CYP2S1: variants seen among roughly 807,000 people sequenced by gnomAD.
CYP2S1 encodes the protein cytochrome P450 2S1.
A neutral mutation model predicts 43.5 loss-of-function variants in CYP2S1; 32 were observed. The ratio of observed to expected loss-of-function variants is 0.74; its 90% CI spans 0.56 to 0.99. CYP2S1 has a LOEUF of 0.99. Ranked by LOEUF, CYP2S1 falls within the 50% of genes least tolerant of loss-of-function variation. The pLI is 0.00. For synonymous variants in CYP2S1, 283 were observed against 302.9 expected, an observed-to-expected ratio of 0.93 and a Z score of 0.68; for missense variants, 575 against 673.9, an observed-to-expected ratio of 0.85 and a Z score of 1.62.
intron 6 of CYP2S1, 48 bp from the exon 7 acceptor site, chr19:41,203,402 T>A (rs368075593): frequency 3.3e-6 from 5 of 1,514,602 alleles, no homozygotes; most frequent in Non-Finnish European, 4.4e-6. Flanking sequence ...GAGAGGAGGA[T>A]CCCTGGGCCC....
intron 6 of CYP2S1, among the ~76,000 whole-genome samples, chr19:41,201,601 G>A (rs1372647748): frequency 2.0e-5 from 3 of 152,046 alleles, no homozygotes; most frequent in African/African-American, 7.2e-5. Flanking sequence ...GCACTCAGGT[G>A]GCTGAGGAGT....
intron 3 of CYP2S1, 71 bp downstream of exon 3, chr19:41,197,999 G>T (rs2033437013): frequency 6.6e-7 from 1 of 1,514,402 alleles, no homozygotes; most frequent in East Asian, 2.4e-5. Context: ...GTGGCTGGGG[G>T]TGGCCCCAAC....
intron 6 of CYP2S1, among the ~76,000 whole-genome samples, chr19:41,202,150 G>C (rs764753024): frequency 4.6e-5 from 7 of 152,024 alleles, no homozygotes; most frequent in Non-Finnish European, 7.4e-5. Flanking sequence ...ACCACGCCCA[G>C]CTAACTTTTG....
intron 7 of CYP2S1, 60 bp from the exon 8 acceptor site, chr19:41,205,898 C>G: frequency 2.5e-6 from 4 of 1,582,488 alleles, no homozygotes; most frequent in Non-Finnish European, 2.6e-6. Context: ...ACTCCACACT[C>G]GAGGACCAAA....
chr19:41,206,456 A>G lies in CYP2S1; in HGVS notation c.1483A>G (p.Thr495Ala). ...PPAFQLQVRP[T>A]DLHSTTQTR Reference sequence around the variant, plus strand: ...AGCCTTCCAGCTGCAAGTCCGTCCCACTGACCTTCACTCCACCACGCAGAC... The same window carrying G: ...AGCCTTCCAGCTGCAAGTCCGTCCCGCTGACCTTCACTCCACCACGCAGAC... Residue 495 changes from threonine (T) to alanine (A), a missense_variant, in exon 9 of 9, where the codon ACT becomes GCT. This residue lies in a region of CYP2S1 where 222 missense variants were observed against 306.3 expected (regional missense o/e 0.72). Transcript: ENST00000310054. 1 of 1,614,110 alleles carries G rather than the reference A, an allele frequency of 6.2e-7. No individual in the cohort carries two copies. Among genetic ancestry groups the G allele is most frequent in the Non-Finnish European group, 8.5e-7 (1 of 1,180,022 alleles).
intron 6 of CYP2S1, among the ~76,000 whole-genome samples, chr19:41,202,824 G>A (rs1200326076): frequency 1.3e-5 from 2 of 151,436 alleles, no homozygotes; most frequent in South Asian, 2.1e-4. Flanking sequence ...GAGAAGGCCA[G>A]GTACGGTGGC....
chr19:41,196,086 G>A (rs531321060), intron 2 of CYP2S1, among the ~76,000 whole-genome samples: 1 of 152,022 alleles, frequency 6.6e-6, no homozygotes, highest in Non-Finnish European at 1.5e-5. Context: ...GCATATGTAC[G>A]AGGGTAAAGA....
chr19:41,194,798 C>T (rs1213554524), intron 2 of CYP2S1, 89 bp downstream of exon 2: 3 of 1,504,856 alleles, frequency 2.0e-6, no homozygotes, highest in African/African-American at 1.4e-5. Flanking sequence ...CCCTCTGTTG[C>T]CTCATCTGTC....
intron 1 of CYP2S1, chr19:41,193,729 C>T (rs1175433202): frequency 5.0e-6 from 2 of 399,980 alleles, no homozygotes; most frequent in Admixed American, 4.8e-5. Flanking sequence ...GGGACCGAGG[C>T]TGAAAGAGAC....
chr19:41,193,337 G>C lies in CYP2S1; in HGVS notation c.73G>C (p.Gly25Arg), dbSNP rs776430271. 2.6e-5 allele frequency: 40 copies of C among 1,538,100 alleles called. No homozygotes were observed. Among genetic ancestry groups the C allele is most frequent in the Non-Finnish European group, 3.3e-5 (38 of 1,142,680 alleles). ...LLLLLTLALS[G>R]TRARGHLPPG... ...CCTGCTGCTGACGCTGGCGCTGTCC[G>C]GGACCAGGGCCCGAGGCCACCTGCC... The change falls in exon 1 of 9, where the codon GGG (glycine) becomes CGG (arginine). Residue 25 changes from glycine (G) to arginine (R), a missense_variant. By Grantham distance (125) the Gly-to-Arg change is moderately radical (BLOSUM62 -2). Coordinates refer to ENST00000310054, the MANE Select transcript of CYP2S1 (RefSeq NM_030622.8).
chr19:41,194,753 A>G (rs752210208), intron 2 of CYP2S1, 44 bp downstream of exon 2: 2 of 1,581,958 alleles, frequency 1.3e-6, no homozygotes, highest in South Asian at 2.3e-5. Flanking sequence ...GCCTGCCACC[A>G]CTTACTGGTG....
rs147369399 is a variant in CYP2S1 at position 41,200,102 on chromosome 19, T to C, written c.835-1129T>C. Among the ~76,000 whole-genome samples the C allele has an allele frequency of 3.5e-3, 534 of 152,288 alleles. 4 individuals are homozygous for C. The highest frequency in any genetic ancestry group is 0.012 in the African/African-American group (500 of 41,580). ...TGGAAGAATGGGGCCAATTCTTTAATTAAATGCAGCCTCCCTGTTTGTGGA... is the reference window on the plus strand; with the variant it reads ...TGGAAGAATGGGGCCAATTCTTTAACTAAATGCAGCCTCCCTGTTTGTGGA... On this transcript the variant is annotated intron_variant, in intron 5 of 8. Coordinates refer to ENST00000310054, the MANE Select transcript of CYP2S1 (RefSeq NM_030622.8).
chr19:41,198,740 C>G lies in CYP2S1; in HGVS notation c.686C>G (p.Pro229Arg), dbSNP rs768488156. The change falls in exon 5 of 9, where the codon CCC becomes CGC. Residue 229 changes from proline to arginine, a missense_variant. Transcript: ENST00000310054. The surrounding 1 kb of genome is among the most constrained non-coding windows in gnomAD (Gnocchi z 4.9). ...GAGATGTTCTCCTGGTTCCTGCGGC[C>G]CCTGCCAGGCCCCCACAAGCAGCTC... The part of the protein sequence containing the change: ...TYEMFSWFLR[P>R]LPGPHKQLLH... 11 of 1,614,072 alleles carry G rather than the reference C, an allele frequency of 6.8e-6. No homozygotes were observed. Among genetic ancestry groups the G allele is most frequent in the Non-Finnish European group, 9.3e-6 (11 of 1,180,036 alleles).
At chr19:41,195,876 T>C (rs1353057580) in intron 2 of CYP2S1, among the ~76,000 whole-genome samples, 1 of 151,964 alleles carries the variant, frequency 6.6e-6, no homozygotes, top group East Asian at 1.9e-4. Context: ...GGTGAGACCC[T>C]GCCTCCACAA....
At chr19:41,195,528 G>A (rs1245753558) in intron 2 of CYP2S1, among the ~76,000 whole-genome samples, 1 of 151,956 alleles carries the variant, frequency 6.6e-6, no homozygotes, top group African/African-American at 2.4e-5. Context: ...GATGGGGAGG[G>A]GTCAGGGCAA....
chr19:41,201,394 C>T (rs1443594539), intron 6 of CYP2S1, 22 bp downstream of exon 6: 6 of 1,611,180 alleles, frequency 3.7e-6, no homozygotes, highest in Non-Finnish European at 5.1e-6. Flanking sequence ...TTCCACTTGC[C>T]AGGCCTTGGG....
intron 7 of CYP2S1, among the ~76,000 whole-genome samples, chr19:41,204,592 C>CTTTTT (rs553640679): frequency 1.8e-5 from 2 of 109,044 alleles, no homozygotes; most frequent in Non-Finnish European, 3.5e-5. Context: ...TCTTCTTCTT[C>CTTTTT]TTTTTTTTTT....
intron 1 of CYP2S1, chr19:41,193,737 G>A: frequency 2.7e-6 from 1 of 363,946 alleles, no homozygotes; most frequent in Non-Finnish European, 4.5e-6. Context: ...GGCTGAAAGA[G>A]ACAGGAGTCC....
intron 7 of CYP2S1, among the ~76,000 whole-genome samples, chr19:41,204,938 T>TC (rs1568402277): frequency 6.6e-6 from 1 of 151,522 alleles, no homozygotes; most frequent in Admixed American, 6.6e-5. Flanking sequence ...GCAAATCACT[T>TC]CCCCCCCTGA....
Sources: gnomAD v4.1 joint callset for allele counts (sites outside exome capture counted in the v4.1 genomes callset) on GRCh38, gnomAD v4.1.1 for gene constraint, gnomAD v4.1.1 regional missense constraint, Gnocchi (gnomAD v3.1) non-coding constraint, MANE v1.5 for transcripts, NCBI Gene and HGNC (gene_info 2026-07-23, HGNC 2026-07-21) for gene names.